The following DPY19L1 variants were observed in gnomAD, a reference collection of about 807,000 sequenced individuals.
The protein encoded by DPY19L1 is dpy-19 like C-mannosyltransferase 1.
In DPY19L1, 35 loss-of-function variants were observed where a neutral mutation model predicts 96.9. That is an observed-to-expected ratio of 0.36 (90% confidence interval 0.28 to 0.48). DPY19L1 has a LOEUF of 0.48. Ranked by LOEUF, DPY19L1 falls within the 20% of genes least tolerant of loss-of-function variation. The probability of loss-of-function intolerance (pLI) is 0.99; values close to 1 mark genes in which losing one functional copy is unlikely to be tolerated. For missense variants in DPY19L1, 521 were observed against 777.9 expected, an observed-to-expected ratio of 0.67 and a Z score of 3.93; for synonymous variants, 205 against 252.6, an observed-to-expected ratio of 0.81 and a Z score of 1.79.
At chr7:34,998,929 G>C (rs1046457996) in intron 6 of DPY19L1, among the ~76,000 whole-genome samples, 1 of 152,074 alleles carries the variant, frequency 6.6e-6, no homozygotes, top group Non-Finnish European at 1.5e-5. Context: ...AAATCTAACA[G>C]AAATGACAAT....
chr7:34,958,550 T>TGATA (rs1784426308), intron 10 of DPY19L1, among the ~76,000 whole-genome samples: 1 of 152,250 alleles, frequency 6.6e-6, no homozygotes, highest in African/African-American at 2.4e-5. Flanking sequence ...AACACTGCTA[T>TGATA]GATAGACATC....
At chr7:34,961,355 A>C (rs142487042) in intron 10 of DPY19L1, among the ~76,000 whole-genome samples, 16 of 152,368 alleles carry the variant, frequency 1.1e-4, no homozygotes, top group African/African-American at 3.4e-4. Flanking sequence ...TATATAGTCA[A>C]CTGATATTTG....
rs1446235312 is a variant in DPY19L1, at chr7:34,939,284, T to C, written c.1956A>G (p.Ala652=). The change falls in exon 20 of 22, where the codon GCA becomes GCG. Residue 652 remains alanine (A), a synonymous_variant. Coordinates refer to ENST00000638088, the MANE Select transcript of DPY19L1 (RefSeq NM_001366673.1). The part of the protein sequence containing the change: ...PIVNHPHYED[A]GLRARTKIVY... ...CAAGACTGTGCACTGACCTCAAGCC[T>C]GCGTCTTCATAATGTGGATGATTCA... 6.2e-7 allele frequency: 1 copy of C among 1,613,114 alleles called. No homozygotes were observed. Among genetic ancestry groups the C allele is most frequent in the Non-Finnish European group, 8.5e-7 (1 of 1,179,834 alleles).
In DPY19L1 at chr7:34,931,314, A is replaced by AAAGT. The variant is rs1783747931; in HGVS notation, c.*258_*259insACTT. ...TTATACAGGTAGCTTTGCTCACTTT[A>AAAGT]GCACAAATATTAAAGTCAAGTACAA... On this transcript the variant is annotated 3_prime_UTR_variant, in exon 22 of 22. Coordinates refer to ENST00000638088, the MANE Select transcript of DPY19L1 (RefSeq NM_001366673.1). 3.4e-6 allele frequency: 1 copy of AAAGT among 297,262 alleles called. No homozygotes were observed. The highest frequency in any genetic ancestry group is 5.0e-5 in the Admixed American group (1 of 19,872). The allele number at this position is 297,262 out of a possible 1,614,324, so 18.4% of individuals were successfully genotyped here.
At chr7:34,997,880 C>G (rs1052204825) in intron 6 of DPY19L1, among the ~76,000 whole-genome samples, 1 of 152,088 alleles carries the variant, frequency 6.6e-6, no homozygotes. Context: ...TGCTACAGAG[C>G]CTAAGAATAC....
intron 21 of DPY19L1, among the ~76,000 whole-genome samples, chr7:34,934,709 T>C (rs1783829769): frequency 6.6e-6 from 1 of 152,182 alleles, no homozygotes; most frequent in African/African-American, 2.4e-5. Flanking sequence ...GCACGTACCC[T>C]AGATCCCCCG....
chr7:34,985,284 A>T (rs1310482614), intron 7 of DPY19L1, among the ~76,000 whole-genome samples: 1 of 152,178 alleles, frequency 6.6e-6, no homozygotes, highest in Non-Finnish European at 1.5e-5. Flanking sequence ...TTCTTGGATA[A>T]GACTGCAAAA....
intron 7 of DPY19L1, among the ~76,000 whole-genome samples, chr7:34,982,201 T>A (rs1784953553): frequency 6.6e-6 from 1 of 152,198 alleles, no homozygotes; most frequent in African/African-American, 2.4e-5. Context: ...GGGAATAAAC[T>A]ATGAAAATGA....
At chr7:35,018,305 AAATT>A (rs1405510129) in intron 2 of DPY19L1, among the ~76,000 whole-genome samples, 1 of 152,346 alleles carries the variant, frequency 6.6e-6, no homozygotes, top group Non-Finnish European at 1.5e-5. Context: ...AAGATTAAAT[AAATT>A]AATCTCTCTC....
chr7:34,974,964 C>A (rs1784801431), intron 7 of DPY19L1, among the ~76,000 whole-genome samples: 2 of 152,096 alleles, frequency 1.3e-5, no homozygotes, highest in Non-Finnish European at 2.9e-5. Flanking sequence ...GAACCATGCC[C>A]AATAAGATGG....
rs576894607 is a variant in DPY19L1, at chr7:34,938,993, C to T, written c.1964+283G>A. The T allele has an allele frequency of 6.8e-4, 174 of 255,542 alleles. 2 individuals are homozygous for T. Among genetic ancestry groups the T allele is most frequent in the Admixed American group, 6.3e-3 (115 of 18,324 alleles). The allele number at this position is 255,542 out of a possible 1,614,324, so 15.8% of individuals were successfully genotyped here. On this transcript the variant is annotated intron_variant, in intron 20 of 21. Coordinates refer to ENST00000638088, the MANE Select transcript of DPY19L1 (RefSeq NM_001366673.1). ...AGTTACAGGATGAAAAGGACTTGGA[C>T]ATTTTAGAGCCCTGTTAACCTGTGG...
Position 35,008,711 on chromosome 7 carries a change from T to A in DPY19L1, c.764+1757A>T, listed in dbSNP as rs112512392. Reference sequence around the variant, plus strand: ...AATATAGCAAGACCCCATATTTTTTTAAAAAAAGGGTAGCATAAGTGCAGA... The same window carrying A: ...AATATAGCAAGACCCCATATTTTTTAAAAAAAAGGGTAGCATAAGTGCAGA... On this transcript the variant is annotated intron_variant, in intron 6 of 21. Coordinates refer to ENST00000638088, the MANE Select transcript of DPY19L1 (RefSeq NM_001366673.1). Among the ~76,000 whole-genome samples, 611 of 151,976 alleles carry A rather than the reference T, an allele frequency of 4.0e-3. 6 individuals carry two copies. Among genetic ancestry groups the A allele is most frequent in the African/African-American group, 0.013 (522 of 41,502 alleles).
Position 34,947,479 on chromosome 7 carries a change from T to C in DPY19L1, c.1494+151A>G, listed in dbSNP as rs1452930334. ...TATTTTGAAGCTATATAAATGTCTA[T>C]CAAAAGCTATCATTAAGAAAACATA... is the stretch of plus-strand genomic sequence containing the variant. On this transcript the variant is annotated intron_variant, in intron 15 of 21. Transcript: ENST00000638088. 3 of 603,700 alleles carry C rather than the reference T, an allele frequency of 5.0e-6. No individual in the cohort carries two copies. In the East Asian group the frequency reaches 9.6e-5, roughly 19 times the overall value. 37.4% of individuals were successfully genotyped at this position (603,700 alleles called of 1,614,324 possible). A position where few individuals can be genotyped will look rare whatever the true frequency, so the allele number is the denominator to read the frequency against.
At chr7:35,027,138 A>G (rs542008005) in intron 1 of DPY19L1, among the ~76,000 whole-genome samples, 2 of 152,128 alleles carry the variant, frequency 1.3e-5, no homozygotes, top group East Asian at 3.9e-4. Context: ...CAGGAGGTGG[A>G]GGTTACAGTG....
At chr7:34,999,072 C>T (rs1403301447) in intron 6 of DPY19L1, among the ~76,000 whole-genome samples, 2 of 152,122 alleles carry the variant, frequency 1.3e-5, no homozygotes, top group Non-Finnish European at 2.9e-5. Flanking sequence ...GGAAATAATA[C>T]TAAAAAAAGT....
At chr7:34,944,938 G>A (rs562655033) in intron 16 of DPY19L1, among the ~76,000 whole-genome samples, 111 of 152,222 alleles carry the variant, frequency 7.3e-4, no homozygotes, top group African/African-American at 2.4e-3. Context: ...AAGTGAAAAG[G>A]TCTTCACTTT....
chr7:35,036,739 G>A (rs1291419721), intron 1 of DPY19L1, among the ~76,000 whole-genome samples: 1 of 152,082 alleles, frequency 6.6e-6, no homozygotes, highest in East Asian at 1.9e-4. Context: ...GTCAGAGGCC[G>A]AGATAACGGG....
At chr7:35,037,991 A>G (rs1419680336), upstream of DPY19L1, 3 of 1,052,096 alleles carry the variant, frequency 2.9e-6, no homozygotes, top group Non-Finnish European at 2.4e-6. Flanking sequence ...GAGCCCGCGC[A>G]GGCGAGACGC....
At chr7:34,947,744 C>T (rs770334325) in intron 14 of DPY19L1, 43 bp from the exon 15 acceptor site, 11 of 1,501,574 alleles carry the variant, frequency 7.3e-6, no homozygotes, top group Non-Finnish European at 3.6e-6. Flanking sequence ...AACATTTTAA[C>T]CAAACAAAAT....
Sources: allele counts gnomAD v4.1 joint callset (sites outside exome capture counted in the v4.1 genomes callset), GRCh38; gene constraint gnomAD v4.1.1; transcripts MANE v1.5; gene names NCBI Gene and HGNC (gene_info 2026-07-23, HGNC 2026-07-21).